The following AKR1E2 variants were observed in gnomAD, a reference collection of about 807,000 sequenced individuals.
AKR1E2 encodes the protein 1,5-anhydro-D-fructose reductase.
AKR1E2 carries 43 observed loss-of-function variants against 41.9 expected under a neutral mutation model. The observed-to-expected ratio is 1.03, with a 90% CI of 0.80 to 1.32. The LOEUF is 1.32. Among genes scored for constraint, AKR1E2 ranks in the 40% most tolerant of loss-of-function variants. The pLI is 0.00. For synonymous variants in AKR1E2, 121 were observed against 138.9 expected, an observed-to-expected ratio of 0.87 and a Z score of 0.91; for missense variants, 423 against 396.5, an observed-to-expected ratio of 1.07 and a Z score of -0.57.
At chr10:4,845,125 G>C (rs1175800528) in intron 8 of AKR1E2, among the ~76,000 whole-genome samples, 1 of 152,166 alleles carries the variant, frequency 6.6e-6, no homozygotes, top group African/African-American at 2.4e-5. Flanking sequence ...CACTGCTGGG[G>C]GACCTAGCAC....
At chr10:4,865,014 A>G in the AKR1E2 span, among the ~76,000 whole-genome samples, 1 of 152,356 alleles carries the variant, frequency 6.6e-6, no homozygotes, top group East Asian at 1.9e-4. Context: ...GAGTAAAACT[A>G]CAGAAAAATT....
intron 8 of AKR1E2, among the ~76,000 whole-genome samples, chr10:4,842,708 G>C (rs1378319918): frequency 6.6e-6 from 1 of 152,202 alleles, no homozygotes; most frequent in African/African-American, 2.4e-5. Flanking sequence ...TTCTCCCCTA[G>C]GGTGTTGGTG....
chr10:4,840,934 C>G (rs558095302), intron 6 of AKR1E2, among the ~76,000 whole-genome samples: 1 of 152,160 alleles, frequency 6.6e-6, no homozygotes, highest in Non-Finnish European at 1.5e-5. Flanking sequence ...CAGCTTCTAG[C>G]TCAGCACCTG....
chr10:4,865,207 A>G, the AKR1E2 span, among the ~76,000 whole-genome samples: 1 of 152,200 alleles, frequency 6.6e-6, no homozygotes, highest in East Asian at 1.9e-4. Flanking sequence ...ATCTCATTTA[A>G]AAGACAAAAC....
chr10:4,826,484 A>T (rs2131474844), intron 1 of AKR1E2, 121 bp downstream of exon 1: 1 of 942,456 alleles, frequency 1.1e-6, no homozygotes, highest in African/African-American at 1.7e-5. Flanking sequence ...CGCCTGGCCG[A>T]CGCCCGGGAA....
intron 1 of AKR1E2, among the ~76,000 whole-genome samples, chr10:4,827,744 C>G (rs1832659555): frequency 6.6e-6 from 1 of 152,186 alleles, no homozygotes; most frequent in Non-Finnish European, 1.5e-5. Context: ...CTTACCAACT[C>G]TTAGAGGCTA....
intron 3 of AKR1E2, 71 bp from the exon 4 acceptor site, chr10:4,835,604 T>G (rs1588450531): frequency 7.2e-6 from 11 of 1,527,128 alleles, no homozygotes; most frequent in African/African-American, 2.7e-5. Context: ...TGGATGCAGG[T>G]CTCCTGACAC....
At chr10:4,826,687 C>G (rs12248294) in intron 1 of AKR1E2, among the ~76,000 whole-genome samples, 13,290 of 152,220 alleles carry the variant, frequency 0.087, 645 homozygotes, top group Middle Eastern at 0.14. Flanking sequence ...CTTGAAGTTA[C>G]TCAGAACTGG....
chr10:4,847,500 CAA>C lies in AKR1E2; in HGVS notation c.935_936del (p.Lys312ArgfsTer30). 6.2e-7 allele frequency: 1 copy of C among 1,613,222 alleles called. No individual in the cohort carries two copies. Among genetic ancestry groups the C allele is most frequent in the Non-Finnish European group, 8.5e-7 (1 of 1,179,746 alleles). On this transcript the variant is annotated frameshift_variant, in exon 10 of 10. Coordinates refer to ENST00000298375, the MANE Select transcript of AKR1E2 (RefSeq NM_001040177.3). LOFTEE classifies it high-confidence loss of function. ...TTCTGTTTTTCAGAACTAAAAATCACAAAGACTATCCTTTCCACATAGAATAC... is the reference window on the plus strand; with the variant it reads ...TTCTGTTTTTCAGAACTAAAAATCACAGACTATCCTTTCCACATAGAATAC... ...LAMFPITKNH[K>X]DYPFHIEY is the part of the protein sequence containing the mutation.
intron 6 of AKR1E2, among the ~76,000 whole-genome samples, chr10:4,840,851 G>T (rs1833819457): frequency 6.6e-6 from 1 of 152,096 alleles, no homozygotes; most frequent in Admixed American, 6.5e-5. Context: ...ACACTGTCTT[G>T]TGATTTTCTT....
chr10:4,843,650 T>C (rs1262224339), intron 8 of AKR1E2, among the ~76,000 whole-genome samples: 1 of 152,230 alleles, frequency 6.6e-6, no homozygotes, highest in African/African-American at 2.4e-5. Context: ...TAACAGTGCC[T>C]GTGCCCTCAG....
intron 7 of AKR1E2, 96 bp downstream of exon 7, chr10:4,841,953 G>T: frequency 9.0e-7 from 1 of 1,111,450 alleles, no homozygotes; most frequent in Non-Finnish European, 1.3e-6. Context: ...GGAAGGGACT[G>T]GCTCACCCAG....
chr10:4,872,341 A>G, the AKR1E2 span, among the ~76,000 whole-genome samples: 33,161 of 152,124 alleles, frequency 0.22, 3,833 homozygotes, highest in Middle Eastern at 0.33. Flanking sequence ...TGATAAAATT[A>G]TTACTGTTCA....
chr10:4,864,429 C>A, the AKR1E2 span, among the ~76,000 whole-genome samples: 1 of 152,154 alleles, frequency 6.6e-6, no homozygotes, highest in African/African-American at 2.4e-5. Flanking sequence ...GCTAAAAACT[C>A]TCAATAAATT....
chr10:4,839,824 G>A lies in AKR1E2; in HGVS notation c.678G>A (p.Ser226=), dbSNP rs111291164. The A allele has an allele frequency of 4.7e-5, 76 of 1,613,550 alleles. No homozygotes were observed. The highest frequency in any genetic ancestry group is 3.3e-4 in the Middle Eastern group (2 of 6,076). Residue 226 remains serine (S), a splice_region_variant and synonymous_variant, in exon 6 of 10, where the codon TCG becomes TCA. Coordinates refer to ENST00000298375, the MANE Select transcript of AKR1E2 (RefSeq NM_001040177.3). ...CTGCTTACCGTCCTCTTGGTGGCTC[G>A]TGGTAAGGATACCTCAGTGGTGTGT... ...SVTAYRPLGG[S]CEGVDLIDNP... is the part of the protein sequence containing the mutation.
chr10:4,856,167 C>T, the AKR1E2 span, among the ~76,000 whole-genome samples: 39,303 of 152,078 alleles, frequency 0.26, 5,286 homozygotes, highest in Middle Eastern at 0.37. Flanking sequence ...TGGTAAAAGA[C>T]TATAAGAAGT....
At chr10:4,844,161 G>A (rs1301068087) in intron 8 of AKR1E2, among the ~76,000 whole-genome samples, 5 of 152,116 alleles carry the variant, frequency 3.3e-5, no homozygotes, top group East Asian at 1.9e-4. Flanking sequence ...TCTGATGTTC[G>A]GATGTGTTCG....
At chr10:4,866,311 G>T in the AKR1E2 span, among the ~76,000 whole-genome samples, 2 of 152,306 alleles carry the variant, frequency 1.3e-5, no homozygotes, top group South Asian at 4.1e-4. Context: ...CGTAGCACTG[G>T]AACCAGTTTT....
chr10:4,826,631 T>TGCGGCC (rs1461915556), intron 1 of AKR1E2, among the ~76,000 whole-genome samples: 1 of 152,028 alleles, frequency 6.6e-6, no homozygotes, highest in African/African-American at 2.4e-5. Context: ...ACTCTGGGGC[T>TGCGGCC]GCGGCCGCGG....
Sources: gnomAD v4.1 joint callset for allele counts (sites outside exome capture counted in the v4.1 genomes callset) on GRCh38, gnomAD v4.1.1 for gene constraint, MANE v1.5 for transcripts, NCBI Gene and HGNC (gene_info 2026-07-23, HGNC 2026-07-21) for gene names.